Variants in IGSF10 observed in about 807,000 individuals in gnomAD.
The protein encoded by IGSF10 is calvaria mechanical force protein 608.
IGSF10 carries 126 observed loss-of-function variants against 128.2 expected under a neutral mutation model. The observed-to-expected ratio is 0.98, with a 90% CI of 0.85 to 1.14. The LOEUF is 1.14. Among genes scored for constraint, IGSF10 ranks in the 50% most tolerant of loss-of-function variants. The probability of loss-of-function intolerance (pLI) is 0.00; values close to 1 mark genes in which losing one functional copy is unlikely to be tolerated. For missense variants in IGSF10, 3,295 were observed against 3,149.8 expected, an observed-to-expected ratio of 1.05 and a Z score of -1.10; for synonymous variants, 1,185 against 1,146.2, an observed-to-expected ratio of 1.03 and a Z score of -0.68.
chr3:151,484,832 C>T, the IGSF10 span, among the ~76,000 whole-genome samples: 13 of 151,552 alleles, frequency 8.6e-5, no homozygotes, highest in African/African-American at 3.2e-4. Context: ...TAGATAATTC[C>T]ACAAAGATAG....
chr3:151,446,867 A>T lies in IGSF10; in HGVS notation c.3114T>A (p.Ile1038=). The part of the protein sequence containing the change: ...TPVLRRHRYS[I]FRSTTRGSSE... ...AAGAACCTCTGGTTGTTGACCTGAA[A>T]ATGCTGTATCTATGCCGTCGCAGAA... Residue 1038 remains isoleucine, a synonymous_variant, in exon 6 of 8, where the codon ATT becomes ATA. Coordinates refer to ENST00000282466, the MANE Select transcript of IGSF10 (RefSeq NM_178822.5). 6.2e-7 allele frequency: 1 copy of T among 1,614,174 alleles called. No homozygotes were observed. The highest frequency in any genetic ancestry group is 8.5e-7 in the Non-Finnish European group (1 of 1,180,020).
At chr3:151,612,821 C>A in the IGSF10 span, among the ~76,000 whole-genome samples, 2 of 152,088 alleles carry the variant, frequency 1.3e-5, no homozygotes, top group Non-Finnish European at 2.9e-5. Context: ...GAAAAGAAGA[C>A]ACACACTCTG....
At chr3:151,502,380 G>A in the IGSF10 span, among the ~76,000 whole-genome samples, 4 of 151,956 alleles carry the variant, frequency 2.6e-5, no homozygotes, top group East Asian at 1.9e-4. Context: ...AAGGGAAGAT[G>A]GGTAAAGAAA....
the IGSF10 span, among the ~76,000 whole-genome samples, chr3:151,512,776 G>A: frequency 6.6e-6 from 1 of 152,056 alleles, no homozygotes; most frequent in African/African-American, 2.4e-5. Flanking sequence ...AAATGACAAA[G>A]GGGATATCAC....
the IGSF10 span, among the ~76,000 whole-genome samples, chr3:151,614,756 G>T: frequency 6.6e-6 from 1 of 151,970 alleles, no homozygotes; most frequent in Non-Finnish European, 1.5e-5. Flanking sequence ...CACCAACATG[G>T]CACATGTATA....
At chr3:151,479,438 T>C in the IGSF10 span, among the ~76,000 whole-genome samples, 1 of 152,190 alleles carries the variant, frequency 6.6e-6, no homozygotes, top group East Asian at 1.9e-4. Context: ...AAGTTTATTT[T>C]CCGCTCTTTT....
Position 151,448,432 on chromosome 3 carries a change from C to T in IGSF10, c.1549G>A (p.Val517Met). ...TCCTCACTGACATAAGGGGCTCTCACTTTACTTCCATCAGCTAGAAGCCAA... is the reference window on the plus strand; with the variant it reads ...TCCTCACTGACATAAGGGGCTCTCATTTTACTTCCATCAGCTAGAAGCCAA... Reference protein sequence around the residue: ...VDWLLADGSKVRAPYVSEDGR... With the variant: ...VDWLLADGSKMRAPYVSEDGR... The change falls in exon 6 of 8, where the codon GTG becomes ATG. Residue 517 changes from valine (V) to methionine (M), a missense_variant. Physicochemically the swap from Val to Met is conservative, Grantham distance 21 (BLOSUM62 1). Coordinates refer to ENST00000282466, the MANE Select transcript of IGSF10 (RefSeq NM_178822.5). 6.2e-7 allele frequency: 1 copy of T among 1,614,216 alleles called. No homozygotes were observed. The highest frequency in any genetic ancestry group is 8.5e-7 in the Non-Finnish European group (1 of 1,180,038).
At chr3:151,476,693 C>A in the IGSF10 span, among the ~76,000 whole-genome samples, 2 of 152,174 alleles carry the variant, frequency 1.3e-5, no homozygotes, top group Non-Finnish European at 1.5e-5. Flanking sequence ...TCACCACAGG[C>A]CTGTCATCTT....
chr3:151,547,247 T>A, the IGSF10 span, among the ~76,000 whole-genome samples: 1,414 of 152,222 alleles, frequency 9.3e-3, 18 homozygotes, highest in African/African-American at 0.032. Context: ...TTTTAATAGT[T>A]TTCATTAGAA....
the IGSF10 span, among the ~76,000 whole-genome samples, chr3:151,540,203 G>A: frequency 6.6e-6 from 1 of 152,018 alleles, no homozygotes; most frequent in East Asian, 1.9e-4. Context: ...TAAGTGTACA[G>A]CTCAGTTAAT....
chr3:151,451,945 A>C (rs1386828644), intron 5 of IGSF10, among the ~76,000 whole-genome samples: 1 of 152,220 alleles, frequency 6.6e-6, no homozygotes, highest in Non-Finnish European at 1.5e-5. Context: ...GAAGATACCC[A>C]CAAGTAGATA....
At chr3:151,558,965 A>G in the IGSF10 span, among the ~76,000 whole-genome samples, 1 of 152,158 alleles carries the variant, frequency 6.6e-6, no homozygotes, top group African/African-American at 2.4e-5. Flanking sequence ...AAGTTGGCCA[A>G]GCTTCATTTA....
At chr3:151,595,274 C>A in the IGSF10 span, among the ~76,000 whole-genome samples, 2,455 of 151,564 alleles carry the variant, frequency 0.016, 82 homozygotes, top group African/African-American at 0.057. Context: ...GGGTATATAC[C>A]CAAGGGAAAT....
rs1720442416 is a variant in IGSF10 at position 151,437,466 on chromosome 3, T to C, written c.7095A>G (p.Pro2365=). 6.2e-7 allele frequency: 1 copy of C among 1,614,202 alleles called. No homozygotes were observed. The highest frequency in any genetic ancestry group is 8.5e-7 in the Non-Finnish European group (1 of 1,180,040). ...GTAAAATCCAGATTATTTCAGGTGG[T>C]GGGTTACCATCAACAGAGCAATTCA... The part of the protein sequence containing the change: ...TALNCSVDGN[P]PPEIIWILPN... The change falls in exon 8 of 8, where the codon CCA becomes CCG. Residue 2365 remains proline (P), a synonymous_variant. Coordinates refer to ENST00000282466, the MANE Select transcript of IGSF10 (RefSeq NM_178822.5).
the IGSF10 span, among the ~76,000 whole-genome samples, chr3:151,544,467 TA>T: frequency 1.3e-5 from 2 of 152,216 alleles, no homozygotes; most frequent in African/African-American, 4.8e-5. Context: ...TGTTTGAAAA[TA>T]TATATCCAGC....
At chr3:151,479,957 T>A in the IGSF10 span, among the ~76,000 whole-genome samples, 6 of 151,296 alleles carry the variant, frequency 4.0e-5, no homozygotes, top group African/African-American at 9.8e-5. Context: ...AAAAAAAAAA[T>A]AAGTGACAAA....
At position 151,438,104 on chromosome 3, in the gene IGSF10, T is replaced by C. The variant is rs139802822; in HGVS notation, c.6457A>G (p.Ile2153Val). The change falls in exon 8 of 8, where the codon ATC (isoleucine) becomes GTC (valine). Residue 2153 changes from isoleucine (I) to valine (V), a missense_variant. Ile to Val is a conservative substitution (Grantham distance 29). Transcript: ENST00000282466. ...AGGACAGCTGTGTCTCCAGCTTTGA[T>C]TCTCTTGTTGGTTTTGTTACTCTGC... ...IRQSNKTNKR[I>V]KAGDTAVLDC... 8.7e-5 allele frequency: 141 copies of C among 1,614,182 alleles called. No homozygotes were observed. The African/African-American group carries it at 1.8e-3, about 20-fold the overall frequency.
chr3:151,559,658 G>A, the IGSF10 span, among the ~76,000 whole-genome samples: 1 of 152,224 alleles, frequency 6.6e-6, no homozygotes, highest in East Asian at 1.9e-4. Context: ...GATGTATAAT[G>A]TGGTTGTTGA....
the IGSF10 span, among the ~76,000 whole-genome samples, chr3:151,516,850 TAC>T: frequency 2.6e-5 from 4 of 152,120 alleles, no homozygotes; most frequent in Non-Finnish European, 4.4e-5. Context: ...AAGCAATGAG[TAC>T]AGTTGTCACC....
Sources: gnomAD v4.1 joint callset for allele counts (sites outside exome capture counted in the v4.1 genomes callset) on GRCh38, gnomAD v4.1.1 for gene constraint, MANE v1.5 for transcripts, NCBI Gene and HGNC (gene_info 2026-07-23, HGNC 2026-07-21) for gene names.